ARFGAP1: variants seen among roughly 807,000 people sequenced by gnomAD.
ARFGAP1 encodes the protein ADP-ribosylation factor GTPase-activating protein 1.
A neutral mutation model predicts 54.0 loss-of-function variants in ARFGAP1; 26 were observed. The ratio of observed to expected loss-of-function variants is 0.48; its 90% CI spans 0.35 to 0.67. The LOEUF (loss-of-function observed/expected upper bound fraction) is 0.67. Ranked by LOEUF, ARFGAP1 falls within the 30% of genes least tolerant of loss-of-function variation. ARFGAP1 has a pLI of 0.00. For synonymous variants in ARFGAP1, 248 were observed against 211.9 expected, an observed-to-expected ratio of 1.17 and a Z score of -1.48; for missense variants, 525 against 535.8, an observed-to-expected ratio of 0.98 and a Z score of 0.20.
intron 1 of ARFGAP1, chr20:63,273,368 C>G (rs1187180254): frequency 6.6e-6 from 1 of 152,258 alleles, no homozygotes; most frequent in East Asian, 1.9e-4. Context: ...ACATCCCAGT[C>G]AGGTGGCCTC....
rs1179417398 is a variant in ARFGAP1 at position 63,283,574 on chromosome 20, G to A, written c.717+723G>A. 11 of 478,958 alleles carry A rather than the reference G, an allele frequency of 2.3e-5. No individual in the cohort carries two copies. In the East Asian group the frequency reaches 3.2e-4, roughly 14 times the overall value. 29.7% of individuals were successfully genotyped at this position (478,958 alleles called of 1,614,324 possible). On this transcript the variant is annotated intron_variant, in intron 9 of 12. Coordinates refer to ENST00000370283, the MANE Select transcript of ARFGAP1 (RefSeq NM_018209.4). ...CCCATATCACCCCTTCCTCTCTGAGGGAGTCTCCCCACGTGCCCACCCCCA... is the reference window on the plus strand; with the variant it reads ...CCCATATCACCCCTTCCTCTCTGAGAGAGTCTCCCCACGTGCCCACCCCCA...
chr20:63,275,492 T>A, intron 1 of ARFGAP1, 85 bp from the exon 2 acceptor site: 1 of 1,306,382 alleles, frequency 7.7e-7, no homozygotes, highest in South Asian at 1.2e-5. Context: ...TTTTCTGTTG[T>A]GTGGTGTTTT....
In ARFGAP1 at chr20:63,276,617, A is replaced by T; in HGVS notation, c.308A>T (p.Tyr103Phe). 2 of 1,613,482 alleles carry T rather than the reference A, an allele frequency of 1.2e-6. No individual in the cohort carries two copies. Among genetic ancestry groups the T allele is most frequent in the Non-Finnish European group, 8.5e-7 (1 of 1,179,784 alleles). The stretch of plus-strand genomic sequence containing the variant: ...CCTTGCTGGTCCTTGCAGGAGAAGT[A>T]CAACAGCAGAGCCGCGGCCCTCTTT... ...YDPCWSLQEK[Y>F]NSRAAALFRD... Residue 103 changes from tyrosine to phenylalanine, a missense_variant, in exon 4 of 13, where the codon TAC (tyrosine) becomes TTC (phenylalanine). Tyr to Phe is a conservative substitution (Grantham distance 22). This residue lies in a region of ARFGAP1 where 466 missense variants were observed against 453.6 expected (regional missense o/e 1.03). Transcript: ENST00000370283. This position sits in a 1 kb window ranked among gnomAD's most constrained non-coding sequence, Gnocchi z 5.2.
intron 12 of ARFGAP1, 93 bp from the exon 13 acceptor site, chr20:63,287,471 C>T (rs1568746469): frequency 3.2e-6 from 4 of 1,251,912 alleles, no homozygotes; most frequent in Non-Finnish European, 3.3e-6. Flanking sequence ...GGAAGGCGGT[C>T]ACTGTCCAGG....
In ARFGAP1 at chr20:63,288,202, C is replaced by T; in HGVS notation, c.*329C>T. Reference sequence around the variant, plus strand: ...AGGCCTGTGACTGCGTTCCAGCGGCCAGTTCACTACGCAGTATCTCTGGGG... The same window carrying T: ...AGGCCTGTGACTGCGTTCCAGCGGCTAGTTCACTACGCAGTATCTCTGGGG... On this transcript the variant is annotated 3_prime_UTR_variant, in exon 13 of 13. Transcript: ENST00000370283. The T allele has an allele frequency of 5.3e-6, 3 of 562,520 alleles. No individual in the cohort carries two copies. The highest frequency in any genetic ancestry group is 1.0e-5 in the Non-Finnish European group (3 of 298,456). 34.8% of individuals were successfully genotyped at this position (562,520 alleles called of 1,614,324 possible).
chr20:63,276,014 A>G lies in ARFGAP1; in HGVS notation c.61-77A>G. Reference sequence around the variant, plus strand: ...GGCAGCCCTCTGCATTCGCTCCTTGAGGCCACCTGTCGGGTCTTTGGGGTC... The same window carrying G: ...GGCAGCCCTCTGCATTCGCTCCTTGGGGCCACCTGTCGGGTCTTTGGGGTC... On this transcript the variant is annotated intron_variant, in intron 2 of 12. Coordinates refer to ENST00000370283, the MANE Select transcript of ARFGAP1 (RefSeq NM_018209.4). The surrounding 1 kb of genome is among the most constrained non-coding windows in gnomAD (Gnocchi z 5.2). 7.2e-7 allele frequency: 1 copy of G among 1,391,732 alleles called. No homozygotes were observed. Among genetic ancestry groups the G allele is most frequent in the Non-Finnish European group, 1.0e-6 (1 of 982,362 alleles). 86.2% of individuals were successfully genotyped at this position (1,391,732 alleles called of 1,614,324 possible).
rs1416191059 is a variant in ARFGAP1, at chr20:63,284,933, G to A, written c.774+11G>A. The A allele has an allele frequency of 6.2e-7, 1 of 1,613,032 alleles. No individual in the cohort carries two copies. Among genetic ancestry groups the A allele is most frequent in the African/African-American group, 1.3e-5 (1 of 74,912 alleles). Reference sequence around the variant, plus strand: ...CCTGCGCAGGAGAAGGTAACGGGCAGCTCCGGGTGGTTGTGCCTGGAGCCC... The same window carrying A: ...CCTGCGCAGGAGAAGGTAACGGGCAACTCCGGGTGGTTGTGCCTGGAGCCC... On this transcript the variant is annotated intron_variant, in intron 10 of 12. Coordinates refer to ENST00000370283, the MANE Select transcript of ARFGAP1 (RefSeq NM_018209.4).
At chr20:63,285,509 G>T (rs780245629) in intron 10 of ARFGAP1, 145 bp from the exon 11 acceptor site, 387 of 835,982 alleles carry the variant, frequency 4.6e-4, no homozygotes, top group Non-Finnish European at 6.1e-4. Flanking sequence ...TGGGGCCACT[G>T]TAGAACTTTC....
intron 5 of ARFGAP1, 128 bp from the exon 6 acceptor site, chr20:63,277,989 C>A: frequency 1.3e-6 from 1 of 775,038 alleles, no homozygotes; most frequent in Non-Finnish European, 2.2e-6. Flanking sequence ...GCCACCCTGG[C>A]CTCAGGTGCT....
Position 63,278,220 on chromosome 20 carries a change from T to C in ARFGAP1, c.530+17T>C, listed in dbSNP as rs1255461405. ...CTATCAAGGGTAAGGACTTGAGAGC[T>C]GGGGACGCCTGGCGTGGGCCAGGCC... On this transcript the variant is annotated intron_variant, in intron 6 of 12. Coordinates refer to ENST00000370283, the MANE Select transcript of ARFGAP1 (RefSeq NM_018209.4). 1.9e-6 allele frequency: 3 copies of C among 1,611,372 alleles called. No individual in the cohort carries two copies. The South Asian group carries it at 3.3e-5, about 18-fold the overall frequency.
At chr20:63,279,787 A>G (rs148612826) in intron 7 of ARFGAP1, among the ~76,000 whole-genome samples, 4 of 152,300 alleles carry the variant, frequency 2.6e-5, no homozygotes, top group South Asian at 2.1e-4. Context: ...CCATTTTGCT[A>G]TTAACGGGAA....
intron 9 of ARFGAP1, chr20:63,284,054 C>G: frequency 7.0e-7 from 1 of 1,432,066 alleles, no homozygotes; most frequent in Non-Finnish European, 9.2e-7. Context: ...GGATCTGCAT[C>G]AGGCTTGGCT....
rs200792596 is a variant in ARFGAP1, at chr20:63,282,796, C to T, written c.685-23C>T. The T allele has an allele frequency of 1.2e-5, 19 of 1,613,996 alleles. No individual in the cohort carries two copies. In the South Asian group the frequency reaches 1.9e-4, roughly 16 times the overall value. On this transcript the variant is annotated intron_variant, in intron 8 of 12. Transcript: ENST00000370283. ...GCAGCCCATGTTAAGTCTGTCAAGC[C>T]TTGTCTTTGTTTTTCATTTTAGGCT... is the stretch of plus-strand genomic sequence containing the variant.
chr20:63,278,817 T>G, intron 6 of ARFGAP1, 82 bp from the exon 7 acceptor site: 2 of 1,383,690 alleles, frequency 1.4e-6, no homozygotes, highest in Non-Finnish European at 2.0e-6. Flanking sequence ...GCCCCAGCCT[T>G]GCCTGTGTTC....
intron 12 of ARFGAP1, among the ~76,000 whole-genome samples, chr20:63,287,234 C>G (rs1224623481): frequency 6.6e-6 from 1 of 152,272 alleles, no homozygotes; most frequent in East Asian, 1.9e-4. Context: ...TGTGTCCCGG[C>G]TTGAGGCCAA....
chr20:63,273,948 CCTGCCCCG>C (rs1453458800), intron 1 of ARFGAP1: 1 of 152,264 alleles, frequency 6.6e-6, no homozygotes, highest in Middle Eastern at 3.2e-3. Flanking sequence ...AGTCCCGCTC[CCTGCCCCG>C]CCAGGGCACC....
chr20:63,283,966 C>T (rs2067455174), intron 9 of ARFGAP1: 17 of 1,586,248 alleles, frequency 1.1e-5, no homozygotes, highest in Admixed American at 3.4e-5. Context: ...CGTGCTGCCA[C>T]TGTCTTGTGT....
chr20:63,275,767 C>T (rs930171057), intron 2 of ARFGAP1, 127 bp downstream of exon 2: 10 of 948,244 alleles, frequency 1.1e-5, no homozygotes, highest in Non-Finnish European at 1.2e-5. Flanking sequence ...TGGCTCTGGA[C>T]GTGCATGGCT....
At chr20:63,284,183 G>T in intron 9 of ARFGAP1, 1 of 1,303,762 alleles carries the variant, frequency 7.7e-7, no homozygotes, top group South Asian at 2.1e-5. Flanking sequence ...AGGTGCTGGA[G>T]GGAGGGCGGG....
Sources: allele counts gnomAD v4.1 joint callset (sites outside exome capture counted in the v4.1 genomes callset), GRCh38; gene constraint gnomAD v4.1.1; regional missense constraint gnomAD v4.1.1; non-coding constraint Gnocchi (gnomAD v3.1); transcripts MANE v1.5; gene names NCBI Gene and HGNC (gene_info 2026-07-23, HGNC 2026-07-21).